The following AP1M1 variants were observed in gnomAD, a reference collection of about 807,000 sequenced individuals.
The protein encoded by AP1M1 is adaptor related protein complex 1 subunit mu 1.
AP1M1 carries 18 observed loss-of-function variants against 57.1 expected under a neutral mutation model. That is an observed-to-expected ratio of 0.32 (90% CI 0.22 to 0.47). The LOEUF (loss-of-function observed/expected upper bound fraction) is 0.47. Among genes scored for constraint, AP1M1 ranks in the 20% least tolerant of loss-of-function variants. The pLI is 1.00. For missense variants in AP1M1, 362 were observed against 593.5 expected, an observed-to-expected ratio of 0.61 and a Z score of 4.05; for synonymous variants, 241 against 237.9, an observed-to-expected ratio of 1.01 and a Z score of -0.12.
intron 2 of AP1M1, among the ~76,000 whole-genome samples, chr19:16,205,352 A>G (rs1030859950): frequency 1.3e-5 from 2 of 152,184 alleles, no homozygotes; most frequent in African/African-American, 2.4e-5. Flanking sequence ...GTGCTCAGCA[A>G]GGCCGTGGCT....
At chr19:16,233,439 T>G in intron 9 of AP1M1, 54 bp from the exon 10 acceptor site, 1 of 1,510,476 alleles carries the variant, frequency 6.6e-7, no homozygotes, top group Non-Finnish European at 8.9e-7. Flanking sequence ...CCAGAGCTGT[T>G]GGCTAAGCTG....
At chr19:16,225,317 G>C (rs953686760) in intron 5 of AP1M1, among the ~76,000 whole-genome samples, 4 of 152,234 alleles carry the variant, frequency 2.6e-5, no homozygotes, top group African/African-American at 9.6e-5. Flanking sequence ...CCAGCATCTG[G>C]GCCCAGGTAT....
chr19:16,197,992 G>GCCCTCGGCCGCTGCCGCCGCCACCA lies in AP1M1; in HGVS notation c.-19_-18insCCGCCACCACCCTCGGCCGCTGCCG. 6.4e-7 allele frequency: 1 copy of GCCCTCGGCCGCTGCCGCCGCCACCA among 1,550,828 alleles called. No homozygotes were observed. The highest frequency in any genetic ancestry group is 8.7e-7 in the Non-Finnish European group (1 of 1,152,020). ...CCCCACCGTCGCTGCCGCCGCCACC[G>GCCCTCGGCCGCTGCCGCCGCCACCA]CCCTCGGCCGCTGCCGAGGCCTCCT... On this transcript the variant is annotated 5_prime_UTR_variant, in exon 1 of 12. Coordinates refer to ENST00000291439, the MANE Select transcript of AP1M1 (RefSeq NM_032493.4).
At chr19:16,226,374 G>T in intron 5 of AP1M1, 47 bp from the exon 6 acceptor site, 1 of 1,504,658 alleles carries the variant, frequency 6.6e-7, no homozygotes, top group Non-Finnish European at 8.9e-7. Flanking sequence ...GGAGGCAGTG[G>T]CTGGTGAGTT....
rs1312859834 is a variant in AP1M1 at position 16,238,771 on chromosome 19, G to T, written c.*4336G>T. On this transcript the variant is annotated 3_prime_UTR_variant, in exon 12 of 12. Transcript: ENST00000291439. ...GTGTCACTCTGTTGCCCAGGCCAAA[G>T]TGCAGTGGCATGGTCACGGCTCACT... The T allele has an allele frequency of 1.4e-5, 2 of 143,974 alleles. No individual in the cohort carries two copies. The highest frequency in any genetic ancestry group is 5.3e-5 in the African/African-American group (2 of 37,698). 8.9% of individuals were successfully genotyped at this position (143,974 alleles called of 1,614,324 possible).
In AP1M1 at chr19:16,216,355, G is replaced by C. The variant is rs564914443; in HGVS notation, c.546+7178G>C. 4.4e-3 allele frequency among the ~76,000 whole-genome samples: 675 copies of C among 152,022 alleles called. 14 individuals carry two copies. The highest frequency in any genetic ancestry group is 3.3e-3 in the South Asian group (16 of 4,822). ...AGCTACTTGGGAGGCTGAGGCAGGA[G>C]AATGGCGTGAACCCAGGAGGCGGAG... is the stretch of plus-strand genomic sequence containing the variant. On this transcript the variant is annotated intron_variant, in intron 5 of 11. Coordinates refer to ENST00000291439, the MANE Select transcript of AP1M1 (RefSeq NM_032493.4).
At chr19:16,210,251 C>A in intron 5 of AP1M1, 2 of 638,948 alleles carry the variant, frequency 3.1e-6, no homozygotes, top group South Asian at 1.8e-5. Flanking sequence ...TGTTCTGAAC[C>A]ACAGAAGGAC....
intron 5 of AP1M1, among the ~76,000 whole-genome samples, chr19:16,218,190 G>GAGC (rs2091526957): frequency 6.6e-6 from 1 of 152,246 alleles, no homozygotes; most frequent in Non-Finnish European, 1.5e-5. Context: ...GCTCCATAGG[G>GAGC]AGCAGTGCCT....
chr19:16,213,439 A>G (rs1399810286), intron 5 of AP1M1, among the ~76,000 whole-genome samples: 2 of 151,968 alleles, frequency 1.3e-5, no homozygotes, highest in African/African-American at 4.8e-5. Flanking sequence ...TTTGCTTGGT[A>G]GATTTTTCTC....
Position 16,228,934 on chromosome 19 carries a change from C to G in AP1M1, c.1047+6C>G. 6.2e-7 allele frequency: 1 copy of G among 1,613,618 alleles called. No individual in the cohort carries two copies. The highest frequency in any genetic ancestry group is 8.5e-7 in the Non-Finnish European group (1 of 1,179,688). On this transcript the variant is annotated splice_donor_region_variant and intron_variant, in intron 9 of 11. Coordinates refer to ENST00000291439, the MANE Select transcript of AP1M1 (RefSeq NM_032493.4). The surrounding 1 kb of genome is among the most constrained non-coding windows in gnomAD (Gnocchi z 5.0). The stretch of plus-strand genomic sequence containing the variant: ...GGTCCATCAAGTCCTTCCCGGTGAG[C>G]ACTCTGTCCAGACATCCACGTGCCC...
At chr19:16,231,287 CAA>C (rs1231125818) in intron 9 of AP1M1, among the ~76,000 whole-genome samples, 2 of 115,170 alleles carry the variant, frequency 1.7e-5, no homozygotes, top group African/African-American at 8.6e-5. Context: ...GACTCTGTCT[CAA>C]AAAAAAAAAA....
chr19:16,220,391 G>GT lies in AP1M1; in HGVS notation c.547-6024dup, dbSNP rs1045041751. On this transcript the variant is annotated intron_variant, in intron 5 of 11. Transcript: ENST00000291439. Reference sequence around the variant, plus strand: ...CATGCCCGGCTTTTGGGGTTTTTTTGTTTTTTGTGTTTTTTTTGAGACAGA... The same window carrying GT: ...CATGCCCGGCTTTTGGGGTTTTTTTGTTTTTTTGTGTTTTTTTTGAGACAGA... 2.1e-3 allele frequency among the ~76,000 whole-genome samples: 326 copies of GT among 151,688 alleles called. 2 individuals carry two copies. Among genetic ancestry groups the GT allele is most frequent in the African/African-American group, 7.6e-3 (312 of 41,314 alleles).
chr19:16,198,133 C>A (rs944547113), intron 1 of AP1M1, 65 bp downstream of exon 1: 43 of 1,575,898 alleles, frequency 2.7e-5, no homozygotes, highest in Non-Finnish European at 3.7e-5. Flanking sequence ...CCGCGGGGAC[C>A]CACCCTGTTG....
Position 16,228,314 on chromosome 19 carries a change from TCA to T in AP1M1, c.888+108_888+109del, listed in dbSNP as rs1319823776. 1 of 1,167,208 alleles carries T rather than the reference TCA, an allele frequency of 8.6e-7. No homozygotes were observed. Among genetic ancestry groups the T allele is most frequent in the African/African-American group, 1.5e-5 (1 of 65,830 alleles). 72.3% of individuals were successfully genotyped at this position (1,167,208 alleles called of 1,614,324 possible). On this transcript the variant is annotated intron_variant, in intron 8 of 11. Coordinates refer to ENST00000291439, the MANE Select transcript of AP1M1 (RefSeq NM_032493.4). The surrounding 1 kb of genome is among the most constrained non-coding windows in gnomAD (Gnocchi z 5.0). ...CCGTAGGGCTGCCATCCGTGCACCC[TCA>T]CTGTGGCCTCAGATGCAGGAGTGAC...
intron 5 of AP1M1, among the ~76,000 whole-genome samples, chr19:16,215,471 A>C (rs1236606083): frequency 7.4e-6 from 1 of 134,788 alleles, no homozygotes; most frequent in African/African-American, 3.3e-5. Context: ...CTCAAAAAAA[A>C]AAAAAAAAAA....
In AP1M1 at chr19:16,228,199, C is replaced by T. The variant is rs770245780; in HGVS notation, c.879C>T (p.Tyr293=). The T allele has an allele frequency of 6.2e-7, 1 of 1,613,774 alleles. No individual in the cohort carries two copies. The highest frequency in any genetic ancestry group is 2.2e-5 in the East Asian group (1 of 44,882). ...AGCACTCCCACAGCCGCATCGAGTACATGATCAAGGTGCGTGGGCCGAGGC... is the reference window on the plus strand; with the variant it reads ...AGCACTCCCACAGCCGCATCGAGTATATGATCAAGGTGCGTGGGCCGAGGC... ...IEKHSHSRIE[Y]MIKAKSQFKR... The change falls in exon 8 of 12, where the codon TAC becomes TAT. Residue 293 remains tyrosine (Y), a synonymous_variant. Coordinates refer to ENST00000291439, the MANE Select transcript of AP1M1 (RefSeq NM_032493.4). The surrounding 1 kb of genome is among the most constrained non-coding windows in gnomAD (Gnocchi z 5.0).
intron 9 of AP1M1, among the ~76,000 whole-genome samples, chr19:16,230,504 G>A (rs2091591451): frequency 6.6e-6 from 1 of 151,762 alleles, no homozygotes; most frequent in African/African-American, 2.4e-5. Flanking sequence ...AGGTTCAAGT[G>A]ATTCTCCTGC....
intron 5 of AP1M1, among the ~76,000 whole-genome samples, chr19:16,214,400 G>T (rs2091509049): frequency 7.4e-6 from 1 of 134,824 alleles, no homozygotes; most frequent in African/African-American, 2.7e-5. Context: ...CACCCAGGCT[G>T]GAGTGCAATG....
chr19:16,223,898 G>A (rs189215429), intron 5 of AP1M1, among the ~76,000 whole-genome samples: 290 of 152,336 alleles, frequency 1.9e-3, no homozygotes, highest in African/African-American at 6.7e-3. Flanking sequence ...TTGTGTTCAC[G>A]CTGGCCTCAT....
Sources: gnomAD v4.1 joint callset for allele counts (sites outside exome capture counted in the v4.1 genomes callset) on GRCh38, gnomAD v4.1.1 for gene constraint, Gnocchi (gnomAD v3.1) non-coding constraint, MANE v1.5 for transcripts, NCBI Gene and HGNC (gene_info 2026-07-23, HGNC 2026-07-21) for gene names.